Variants in SLC12A2 observed in about 807,000 individuals in gnomAD.
SLC12A2 encodes Na-K-2Cl cotransporter 1.
A neutral mutation model predicts 136.3 loss-of-function variants in SLC12A2; 67 were observed. The observed-to-expected ratio is 0.49, with a 90% CI of 0.40 to 0.60. SLC12A2 has a LOEUF of 0.60. Among genes scored for constraint, SLC12A2 ranks in the 20% least tolerant of loss-of-function variants. The pLI is 0.00. For synonymous variants in SLC12A2, 619 were observed against 562.9 expected, an observed-to-expected ratio of 1.10 and a Z score of -1.41; for missense variants, 1,322 against 1,534.7, an observed-to-expected ratio of 0.86 and a Z score of 2.32.
At chr5:128,085,515 ATGG>A (rs1293950227) in intron 1 of SLC12A2, among the ~76,000 whole-genome samples, 1 of 152,066 alleles carries the variant, frequency 6.6e-6, no homozygotes, top group African/African-American at 2.4e-5. Flanking sequence ...ACTATTTTTT[ATGG>A]TCACATAAGA....
Position 128,149,980 on chromosome 5 carries a change from A to T in SLC12A2, c.2006-17A>T, listed in dbSNP as rs370039237. On this transcript the variant is annotated splice_polypyrimidine_tract_variant and intron_variant, in intron 12 of 26. Coordinates refer to ENST00000262461, the MANE Select transcript of SLC12A2 (RefSeq NM_001046.3). ...TGTCTAATACGTCAGTAAATCTCGCATGTGTTTGTTCTGCAGCTGAACTGA... is the reference window on the plus strand; with the variant it reads ...TGTCTAATACGTCAGTAAATCTCGCTTGTGTTTGTTCTGCAGCTGAACTGA... 7 of 1,547,778 alleles carry T rather than the reference A, an allele frequency of 4.5e-6. No homozygotes were observed. The highest frequency in any genetic ancestry group is 6.2e-6 in the Non-Finnish European group (7 of 1,123,004).
intron 4 of SLC12A2, among the ~76,000 whole-genome samples, chr5:128,116,151 G>C (rs1445708974): frequency 6.6e-6 from 1 of 152,150 alleles, no homozygotes; most frequent in African/African-American, 2.4e-5. Flanking sequence ...CTGTGTATTT[G>C]TAGGGGATCA....
At chr5:128,185,004 C>G in intron 26 of SLC12A2, 148 bp downstream of exon 26, 1 of 654,672 alleles carries the variant, frequency 1.5e-6, no homozygotes, top group South Asian at 2.2e-5. Flanking sequence ...ATATACTATG[C>G]TTTAAGCATA....
Position 128,114,237 on chromosome 5 carries a change from G to T in SLC12A2, c.902G>T (p.Gly301Val). ...GTACGTTGTATGTTAAACATTTGGG[G>T]TGTGATGCTTTTCATTAGATTGTCA... is the stretch of plus-strand genomic sequence containing the variant. Reference protein sequence around the residue: ...VLVRCMLNIWGVMLFIRLSWI... With the variant: ...VLVRCMLNIWVVMLFIRLSWI... Residue 301 changes from glycine to valine, a missense_variant, in exon 3 of 27, where the codon GGT becomes GTT. This residue lies in a region of SLC12A2 where 71 missense variants were observed against 131.0 expected (regional missense o/e 0.54). Transcript: ENST00000262461. 1.2e-6 allele frequency: 2 copies of T among 1,613,362 alleles called. No homozygotes were observed. The highest frequency in any genetic ancestry group is 1.7e-6 in the Non-Finnish European group (2 of 1,179,620).
intron 1 of SLC12A2, among the ~76,000 whole-genome samples, chr5:128,103,105 T>A (rs1760804935): frequency 1.3e-5 from 2 of 152,242 alleles, no homozygotes; most frequent in Non-Finnish European, 1.5e-5. Context: ...AAGGATATGC[T>A]GAGGAGTAGA....
intron 13 of SLC12A2, among the ~76,000 whole-genome samples, chr5:128,150,432 A>T (rs1331929243): frequency 1.3e-5 from 2 of 151,800 alleles, no homozygotes; most frequent in Non-Finnish European, 3.0e-5. Flanking sequence ...TACCTGTAAG[A>T]AAATGGTTTT....
At chr5:128,156,572 C>CTA (rs1554108188) in intron 15 of SLC12A2, among the ~76,000 whole-genome samples, 3 of 152,092 alleles carry the variant, frequency 2.0e-5, no homozygotes, top group Non-Finnish European at 2.9e-5. Flanking sequence ...ATAACGGGTT[C>CTA]TATTAGGGTA....
intron 15 of SLC12A2, 150 bp downstream of exon 15, chr5:128,152,955 TA>T (rs1561690370): frequency 1.7e-6 from 1 of 590,834 alleles, no homozygotes; most frequent in African/African-American, 1.9e-5. Flanking sequence ...AAAGAAAAAT[TA>T]ATATCTACCT....
chr5:128,138,791 A>G (rs1762264474), intron 8 of SLC12A2, 33 bp from the exon 9 acceptor site: 1 of 1,603,430 alleles, frequency 6.2e-7, no homozygotes, highest in African/African-American at 1.3e-5. Flanking sequence ...TTATTTTTAC[A>G]GATAGACTTT....
chr5:128,106,890 C>A (rs1760959128), intron 1 of SLC12A2, among the ~76,000 whole-genome samples: 1 of 152,106 alleles, frequency 6.6e-6, no homozygotes, highest in African/African-American at 2.4e-5. Context: ...GTACATACAT[C>A]TTTCGTTTTC....
chr5:128,142,048 T>C lies in SLC12A2; in HGVS notation c.1773+67T>C, dbSNP rs567565901. On this transcript the variant is annotated intron_variant, in intron 10 of 26. Coordinates refer to ENST00000262461, the MANE Select transcript of SLC12A2 (RefSeq NM_001046.3). ...CTAGGGGTGAGACTACTATCAAATA[T>C]GACCATTCAGAATATAGCTGTAACA... 168 of 1,328,284 alleles carry C rather than the reference T, an allele frequency of 1.3e-4. No individual in the cohort carries two copies. The African/African-American group carries it at 2.1e-3, about 17-fold the overall frequency. The allele number at this position is 1,328,284 out of a possible 1,614,324, so 82.3% of individuals were successfully genotyped here.
At chr5:128,181,808 C>G (rs370663316) in intron 23 of SLC12A2, among the ~76,000 whole-genome samples, 3 of 151,926 alleles carry the variant, frequency 2.0e-5, no homozygotes, top group African/African-American at 4.8e-5. Flanking sequence ...CAGGCTTTTA[C>G]TCCTTTGCCT....
chr5:128,148,721 AAT>A, intron 11 of SLC12A2, 31 bp from the exon 12 acceptor site: 1 of 1,534,276 alleles, frequency 6.5e-7, no homozygotes, highest in Non-Finnish European at 8.8e-7. Context: ...GTCTAATTTT[AAT>A]ATGTTTCATT....
chr5:128,101,168 A>C (rs1760727277), intron 1 of SLC12A2, among the ~76,000 whole-genome samples: 1 of 152,148 alleles, frequency 6.6e-6, no homozygotes, highest in Non-Finnish European at 1.5e-5. Context: ...ATTACACTGA[A>C]TACACCAATC....
intron 26 of SLC12A2, among the ~76,000 whole-genome samples, 188 bp downstream of exon 26, chr5:128,185,044 C>T (rs929605567): frequency 5.3e-5 from 8 of 152,160 alleles, no homozygotes; most frequent in African/African-American, 1.9e-4. Flanking sequence ...TAACCTTATG[C>T]TTATATGAAT....
chr5:128,173,508 A>G (rs1228036796), intron 19 of SLC12A2, among the ~76,000 whole-genome samples: 1 of 152,214 alleles, frequency 6.6e-6, no homozygotes, highest in Non-Finnish European at 1.5e-5. Context: ...ATTCATCATT[A>G]AGTTTTAAAA....
At chr5:128,153,550 A>G (rs1246045514) in intron 15 of SLC12A2, among the ~76,000 whole-genome samples, 1 of 152,158 alleles carries the variant, frequency 6.6e-6, no homozygotes, top group African/African-American at 2.4e-5. Context: ...GCGAGACTCC[A>G]TCTCAAAAAA....
At chr5:128,107,693 G>A in intron 1 of SLC12A2, among the ~76,000 whole-genome samples, 1 of 152,098 alleles carries the variant, frequency 6.6e-6, no homozygotes, top group Non-Finnish European at 1.5e-5. Context: ...GTCTATCATT[G>A]TGGGAGTTTG....
intron 20 of SLC12A2, among the ~76,000 whole-genome samples, chr5:128,175,467 C>A (rs985133016): frequency 6.6e-6 from 1 of 151,850 alleles, no homozygotes; most frequent in African/African-American, 2.4e-5. Context: ...TCCTATATTC[C>A]AGCATTTATT....
Sources: allele counts gnomAD v4.1 joint callset (sites outside exome capture counted in the v4.1 genomes callset), GRCh38; gene constraint gnomAD v4.1.1; regional missense constraint gnomAD v4.1.1; transcripts MANE v1.5; gene names NCBI Gene and HGNC (gene_info 2026-07-23, HGNC 2026-07-21).